Variants in SERPINE2 observed in about 807,000 individuals in gnomAD.
SERPINE2 encodes glia-derived nexin.
In SERPINE2, 14 loss-of-function variants were observed where a neutral mutation model predicts 36.3. That is an observed-to-expected ratio of 0.39 (90% confidence interval 0.25 to 0.60). The LOEUF is 0.60. Among genes scored for constraint, SERPINE2 ranks in the 20% least tolerant of loss-of-function variants. The pLI is 0.57. For synonymous variants in SERPINE2, 192 were observed against 191.8 expected (o/e 1.00, Z -0.01); for missense variants, 418 against 499.6 (o/e 0.84, Z 1.56).
At chr2:224,001,584 C>T in intron 2 of SERPINE2, 58 bp downstream of exon 2, 1 of 1,561,990 alleles carries the variant, frequency 6.4e-7, no homozygotes, top group South Asian at 1.2e-5. Context: ...GCCATAAACC[C>T]TCCTGTCACA....
chr2:223,984,717 G>A, intron 5 of SERPINE2, 35 bp downstream of exon 5: 1 of 1,593,220 alleles, frequency 6.3e-7, no homozygotes, highest in Non-Finnish European at 8.6e-7. Context: ...ATTGAATAAT[G>A]CCACTGTTTT....
At position 223,994,438 on chromosome 2, in the gene SERPINE2, C is replaced by A. The variant is rs369922747; in HGVS notation, c.488-2438G>T. On this transcript the variant is annotated intron_variant, in intron 3 of 8. Transcript: ENST00000409304. The stretch of plus-strand genomic sequence containing the variant: ...AGGCAAAGAGGCACATGGAAACCTG[C>A]CATCAGTAACTGCCACAGACATGCA... 9.2e-5 allele frequency among the ~76,000 whole-genome samples: 14 copies of A among 152,264 alleles called. No individual in the cohort carries two copies. In the East Asian group the frequency reaches 2.7e-3, roughly 29 times the overall value.
intron 3 of SERPINE2, among the ~76,000 whole-genome samples, chr2:223,995,400 C>T (rs778526940): frequency 2.6e-5 from 4 of 152,208 alleles, no homozygotes; most frequent in Non-Finnish European, 4.4e-5. Context: ...TGGAATTTGG[C>T]AGGGATGTTT....
rs750723608 is a variant in SERPINE2 at position 223,980,276 on chromosome 2, C to T, written c.1072+35G>A. 5 of 1,543,914 alleles carry T rather than the reference C, an allele frequency of 3.2e-6. No homozygotes were observed. The South Asian group carries it at 5.6e-5, about 17-fold the overall frequency. The stretch of plus-strand genomic sequence containing the variant: ...ATACAGGAATGTGTTTGCTCCCCTG[C>T]TAGAGGAAGCCCTGCCACGTGACCC... On this transcript the variant is annotated intron_variant, in intron 7 of 8. Coordinates refer to ENST00000409304, the MANE Select transcript of SERPINE2 (RefSeq NM_001136528.2).
intron 5 of SERPINE2, among the ~76,000 whole-genome samples, chr2:223,984,106 T>C (rs571805868): frequency 1.5e-3 from 228 of 151,908 alleles, no homozygotes; most frequent in African/African-American, 5.3e-3. Flanking sequence ...AAGCTCTGGA[T>C]GGTGGGAAGG....
Position 223,984,799 on chromosome 2 carries a change from G to A in SERPINE2, c.837C>T (p.Ser279=). 6.2e-7 allele frequency: 1 copy of A among 1,613,736 alleles called. No individual in the cohort carries two copies. The highest frequency in any genetic ancestry group is 8.5e-7 in the Non-Finnish European group (1 of 1,179,982). ...IPHISTKTID[S]WMSIMVPKRV... is the part of the protein sequence containing the mutation. The stretch of plus-strand genomic sequence containing the variant: ...TCTTGGGCACCATGATGCTCATCCA[G>A]CTGTCTATGGTCTTGGTGCTGATGT... Residue 279 remains serine, a synonymous_variant, in exon 5 of 9, where the codon AGC becomes AGT. Transcript: ENST00000409304.
chr2:223,981,696 G>A (rs1690232222), intron 6 of SERPINE2: 1 of 152,206 alleles, frequency 6.6e-6, no homozygotes. Context: ...TCCTTGGAAA[G>A]ATTGCTATGT....
chr2:224,036,028 C>A (rs1044210955), intron 1 of SERPINE2, among the ~76,000 whole-genome samples: 1 of 152,036 alleles, frequency 6.6e-6, no homozygotes, highest in South Asian at 2.1e-4. Flanking sequence ...AACAATGAAG[C>A]GGATATGGGG....
chr2:223,983,736 ATGTGTGTGTGTG>A (rs71058971), intron 5 of SERPINE2, among the ~76,000 whole-genome samples: 15 of 82,828 alleles, frequency 1.8e-4, no homozygotes, highest in South Asian at 4.6e-4. Flanking sequence ...ATGTGTGTAT[ATGTGTGTGTGTG>A]TGTGTGTGTG....
intron 2 of SERPINE2, among the ~76,000 whole-genome samples, chr2:224,001,238 C>G (rs555498397): frequency 6.6e-6 from 1 of 152,168 alleles, no homozygotes; most frequent in South Asian, 2.1e-4. Flanking sequence ...TCCATCACTA[C>G]GAGGCCCCTG....
At chr2:224,000,871 T>G (rs1691093298) in intron 2 of SERPINE2, among the ~76,000 whole-genome samples, 1 of 152,222 alleles carries the variant, frequency 6.6e-6, no homozygotes, top group Non-Finnish European at 1.5e-5. Flanking sequence ...TCACTCTTTT[T>G]TATGGCTGCA....
chr2:223,984,415 C>T (rs1272664320), intron 5 of SERPINE2, among the ~76,000 whole-genome samples: 2 of 152,186 alleles, frequency 1.3e-5, no homozygotes, highest in Non-Finnish European at 2.9e-5. Flanking sequence ...TTCATCCATA[C>T]TATGATGACA....
At chr2:223,987,400 A>G (rs1395508968) in intron 4 of SERPINE2, among the ~76,000 whole-genome samples, 1 of 152,122 alleles carries the variant, frequency 6.6e-6, no homozygotes, top group African/African-American at 2.4e-5. Flanking sequence ...TGAATCAAGT[A>G]AGGAAGGGGA....
At chr2:223,983,718 G>A (rs969334929) in intron 5 of SERPINE2, among the ~76,000 whole-genome samples, 6 of 131,816 alleles carry the variant, frequency 4.6e-5, no homozygotes, top group Non-Finnish European at 7.8e-5. Flanking sequence ...ACACACACAC[G>A]TATATATATG....
At chr2:224,034,172 G>C (rs372044560) in intron 1 of SERPINE2, among the ~76,000 whole-genome samples, 1 of 152,178 alleles carries the variant, frequency 6.6e-6, no homozygotes, top group Non-Finnish European at 1.5e-5. Context: ...AGAGTCTACT[G>C]GATAGGGCAT....
At chr2:223,977,724 G>GGTGTCTGAAGT in intron 7 of SERPINE2, 97 bp from the exon 8 acceptor site, 1 of 789,864 alleles carries the variant, frequency 1.3e-6, no homozygotes, top group South Asian at 1.4e-5. Context: ...CTCAGAGGCT[G>GGTGTCTGAAGT]GTGTCTGAAG....
At chr2:224,010,157 G>A (rs13412535) in intron 1 of SERPINE2, among the ~76,000 whole-genome samples, 25,930 of 152,158 alleles carry the variant, frequency 0.17, 2,649 homozygotes, top group Non-Finnish European at 0.23. Context: ...AGAACAAACA[G>A]GAAATGCCAA....
chr2:224,007,304 C>T (rs1023795502), intron 1 of SERPINE2, among the ~76,000 whole-genome samples: 23 of 152,066 alleles, frequency 1.5e-4, no homozygotes, highest in African/African-American at 5.3e-4. Context: ...GTTCTCCATG[C>T]TCTCTCATTC....
chr2:224,003,212 T>C (rs1305475441), intron 1 of SERPINE2, among the ~76,000 whole-genome samples: 3 of 151,794 alleles, frequency 2.0e-5, no homozygotes, highest in Non-Finnish European at 2.9e-5. Context: ...ATAAACTTGG[T>C]GTATTAGAGG....
Sources: allele counts gnomAD v4.1 joint callset (sites outside exome capture counted in the v4.1 genomes callset), GRCh38; gene constraint gnomAD v4.1.1; transcripts MANE v1.5; gene names NCBI Gene and HGNC (gene_info 2026-07-23, HGNC 2026-07-21).